Variants in STAP1 observed in about 807,000 individuals in gnomAD.
STAP1 encodes signal-transducing adaptor protein 1.
Under a neutral mutation model 37.8 loss-of-function variants are expected in STAP1, and 30 were observed. That is an observed-to-expected ratio of 0.79 (90% confidence interval 0.59 to 1.08). The LOEUF (loss-of-function observed/expected upper bound fraction) is 1.08, where lower values mean the gene tolerates loss of function less well. Among genes scored for constraint, STAP1 ranks in the 50% least tolerant of loss-of-function variants. The pLI is 0.00. For synonymous variants in STAP1, 130 were observed against 116.0 expected, an observed-to-expected ratio of 1.12 and a Z score of -0.78; for missense variants, 357 against 349.4, an observed-to-expected ratio of 1.02 and a Z score of -0.17.
intron 2 of STAP1, among the ~76,000 whole-genome samples, chr4:67,574,588 C>G (rs1727677810): frequency 6.6e-6 from 1 of 152,264 alleles, no homozygotes; most frequent in African/African-American, 2.4e-5. Flanking sequence ...CCTATCTCAT[C>G]TGCATATTAA....
chr4:67,599,648 T>C (rs1728299074), intron 8 of STAP1, among the ~76,000 whole-genome samples: 1 of 151,834 alleles, frequency 6.6e-6, no homozygotes, highest in Non-Finnish European at 1.5e-5. Flanking sequence ...TTTTCTTTTT[T>C]TTTTTATTTT....
intron 8 of STAP1, among the ~76,000 whole-genome samples, chr4:67,594,706 C>T (rs188055488): frequency 6.6e-6 from 1 of 152,202 alleles, no homozygotes; most frequent in African/African-American, 2.4e-5. Flanking sequence ...ATTATTGGTT[C>T]CTGAATTTCT....
intron 8 of STAP1, among the ~76,000 whole-genome samples, chr4:67,598,324 G>C (rs1728268213): frequency 6.6e-6 from 1 of 152,080 alleles, no homozygotes; most frequent in Non-Finnish European, 1.5e-5. Context: ...TCATATGGTA[G>C]TTCTATTTTT....
In STAP1 at chr4:67,593,283, T is replaced by A; in HGVS notation, c.753T>A (p.Ser251Arg). 2 of 1,613,352 alleles carry A rather than the reference T, an allele frequency of 1.2e-6. No individual in the cohort carries two copies. Among genetic ancestry groups the A allele is most frequent in the Non-Finnish European group, 1.7e-6 (2 of 1,179,646 alleles). Reference sequence around the variant, plus strand: ...AGGTAACACTCCCAAACCTTTTCAGTGTCATTGATTATTTTGTGAAGGAGA... The same window carrying A: ...AGGTAACACTCCCAAACCTTTTCAGAGTCATTGATTATTTTGTGAAGGAGA... ...EKPVTLPNLF[S>R]VIDYFVKETR... Residue 251 changes from serine (S) to arginine (R), a missense_variant, in exon 8 of 9, where the codon AGT becomes AGA. Transcript: ENST00000265404.
At chr4:67,583,097 C>G (rs1041526045) in intron 5 of STAP1, among the ~76,000 whole-genome samples, 6 of 152,100 alleles carry the variant, frequency 3.9e-5, no homozygotes, top group Non-Finnish European at 8.8e-5. Flanking sequence ...AAAATAACAA[C>G]AATGCCATAG....
chr4:67,586,244 G>T (rs1727977083), intron 6 of STAP1, among the ~76,000 whole-genome samples: 1 of 152,140 alleles, frequency 6.6e-6, no homozygotes, highest in African/African-American at 2.4e-5. Context: ...GGATCATGAG[G>T]TCAGGAGTTT....
rs146969776 is a variant in STAP1 at position 67,584,468 on chromosome 4, A to G, written c.659+766A>G. ...ATAACTAAAAATATATGTGGCCATAAGGTCTATAGAGTAAAATAAAGCAGG... is the reference window on the plus strand; with the variant it reads ...ATAACTAAAAATATATGTGGCCATAGGGTCTATAGAGTAAAATAAAGCAGG... On this transcript the variant is annotated intron_variant, in intron 6 of 8. Coordinates refer to ENST00000265404, the MANE Select transcript of STAP1 (RefSeq NM_012108.4). Among the ~76,000 whole-genome samples, 3 of 152,324 alleles carry G rather than the reference A, an allele frequency of 2.0e-5. No homozygotes were observed. The East Asian group carries it at 5.8e-4, about 29-fold the overall frequency.
chr4:67,594,557 A>T (rs1478760316), intron 8 of STAP1, among the ~76,000 whole-genome samples: 1 of 152,130 alleles, frequency 6.6e-6, no homozygotes, highest in Non-Finnish European at 1.5e-5. Flanking sequence ...TTCTTCCTTG[A>T]TATTGAGTCT....
chr4:67,567,946 C>T (rs1395557974), intron 1 of STAP1, among the ~76,000 whole-genome samples: 2 of 152,160 alleles, frequency 1.3e-5, no homozygotes, highest in African/African-American at 4.8e-5. Context: ...TTATTTTAGT[C>T]CACTAAGTTA....
chr4:67,604,911 T>A (rs142453248), intron 8 of STAP1, among the ~76,000 whole-genome samples: 1 of 152,322 alleles, frequency 6.6e-6, no homozygotes, highest in Non-Finnish European at 1.5e-5. Context: ...AGCCTGGGAC[T>A]TGGTTGTGGT....
chr4:67,577,674 A>C (rs1287287234), intron 4 of STAP1, among the ~76,000 whole-genome samples: 1 of 131,716 alleles, frequency 7.6e-6, no homozygotes, highest in Non-Finnish European at 1.6e-5. Context: ...TTTTGAGATG[A>C]GGTCTCACTA....
At chr4:67,592,823 A>G (rs1728148331) in intron 7 of STAP1, among the ~76,000 whole-genome samples, 1 of 152,114 alleles carries the variant, frequency 6.6e-6, no homozygotes, top group Non-Finnish European at 1.5e-5. Context: ...AGCTGGCACT[A>G]CAGGTGTAAG....
At chr4:67,570,369 A>G (rs1727574824) in intron 1 of STAP1, among the ~76,000 whole-genome samples, 1 of 152,184 alleles carries the variant, frequency 6.6e-6, no homozygotes, top group Non-Finnish European at 1.5e-5. Context: ...AACATTATTG[A>G]CAGTTGATAC....
chr4:67,585,449 A>T (rs762425304), intron 6 of STAP1, among the ~76,000 whole-genome samples: 3 of 152,202 alleles, frequency 2.0e-5, no homozygotes, highest in Non-Finnish European at 4.4e-5. Flanking sequence ...CAGTAAACAG[A>T]TCCTTGTCTT....
chr4:67,596,755 G>T (rs1321100356), intron 8 of STAP1, among the ~76,000 whole-genome samples: 1 of 152,192 alleles, frequency 6.6e-6, no homozygotes, highest in Non-Finnish European at 1.5e-5. Flanking sequence ...AGGGTATCTG[G>T]CAGAAGAAAC....
Position 67,558,843 on chromosome 4 carries a change from C to T in STAP1, c.34C>T (p.Arg12Cys). The T allele has an allele frequency of 5.0e-6, 8 of 1,613,456 alleles. No individual in the cohort carries two copies. Among genetic ancestry groups the T allele is most frequent in the South Asian group, 1.1e-5 (1 of 91,002 alleles). The change falls in exon 1 of 9, where the codon CGC becomes TGC. Residue 12 changes from arginine to cysteine, a missense_variant. Coordinates refer to ENST00000265404, the MANE Select transcript of STAP1 (RefSeq NM_012108.4). The stretch of plus-strand genomic sequence containing the variant: ...TAAGAAGCCCCCAAAACCAGCCCCT[C>T]GCAGGATCTTCCAGGAAAGGTTAAA... ...MAKKPPKPAP[R>C]RIFQERLKIT... is the part of the protein sequence containing the mutation.
chr4:67,563,101 G>C (rs1290893443), intron 1 of STAP1, among the ~76,000 whole-genome samples: 2 of 152,132 alleles, frequency 1.3e-5, no homozygotes, highest in Non-Finnish European at 2.9e-5. Context: ...ATTTTTGCTA[G>C]TTAATTCATT....
intron 6 of STAP1, among the ~76,000 whole-genome samples, chr4:67,584,992 C>T (rs1016158142): frequency 3.3e-5 from 5 of 152,120 alleles, no homozygotes; most frequent in East Asian, 3.8e-4. Flanking sequence ...TAAATGCAAA[C>T]GTTATTTTTC....
intron 1 of STAP1, among the ~76,000 whole-genome samples, chr4:67,563,402 T>A (rs1052051782): frequency 6.6e-6 from 1 of 152,186 alleles, no homozygotes; most frequent in Non-Finnish European, 1.5e-5. Context: ...ATTATTTTAT[T>A]CACTTCACAA....
Sources: gnomAD v4.1 joint callset for allele counts (sites outside exome capture counted in the v4.1 genomes callset) on GRCh38, gnomAD v4.1.1 for gene constraint, MANE v1.5 for transcripts, NCBI Gene and HGNC (gene_info 2026-07-23, HGNC 2026-07-21) for gene names.